MAP2K6: variants seen among roughly 807,000 people sequenced by gnomAD.
MAP2K6 encodes dual specificity mitogen-activated protein kinase kinase 6.
MAP2K6 carries 16 observed loss-of-function variants against 53.7 expected under a neutral mutation model. The ratio of observed to expected loss-of-function variants is 0.30; its 90% CI spans 0.20 to 0.45. The LOEUF is 0.45. MAP2K6 is among the 20% of genes least tolerant of loss of function. The pLI is 1.00. For synonymous variants in MAP2K6, 132 were observed against 143.1 expected (o/e 0.92, Z 0.55); for missense variants, 204 against 411.9 (o/e 0.50, Z 4.37).
At chr17:69,442,921 T>C (rs1309128172) in intron 1 of MAP2K6, among the ~76,000 whole-genome samples, 1 of 152,196 alleles carries the variant, frequency 6.6e-6, no homozygotes, top group South Asian at 2.1e-4. Context: ...TGGCATCTAA[T>C]AGAGATTCAA....
intron 2 of MAP2K6, among the ~76,000 whole-genome samples, chr17:69,509,792 G>C (rs1200847293): frequency 6.6e-6 from 1 of 151,888 alleles, no homozygotes; most frequent in Admixed American, 6.6e-5. Flanking sequence ...GGTTGAAAAG[G>C]TTCCCAACTA....
intron 1 of MAP2K6, among the ~76,000 whole-genome samples, chr17:69,425,912 G>A (rs1476186378): frequency 6.6e-6 from 1 of 152,012 alleles, no homozygotes; most frequent in Non-Finnish European, 1.5e-5. Flanking sequence ...TGTAAACCTT[G>A]CGAGGCAGTC....
intron 1 of MAP2K6, among the ~76,000 whole-genome samples, chr17:69,476,859 GA>G (rs1279549860): frequency 2.6e-5 from 4 of 152,300 alleles, no homozygotes; most frequent in Non-Finnish European, 4.4e-5. Context: ...ATTGCTAAGA[GA>G]AAGCCCACAA....
At chr17:69,507,113 A>G (rs1909541995) in intron 2 of MAP2K6, among the ~76,000 whole-genome samples, 1 of 152,146 alleles carries the variant, frequency 6.6e-6, no homozygotes, top group Non-Finnish European at 1.5e-5. Flanking sequence ...TTTATGGGAT[A>G]TACTTTTAAA....
At chr17:69,474,051 A>C (rs550351365) in intron 1 of MAP2K6, among the ~76,000 whole-genome samples, 1 of 152,380 alleles carries the variant, frequency 6.6e-6, no homozygotes, top group Admixed American at 6.5e-5. Context: ...ACATCAGTTA[A>C]TTTTAATTTT....
At chr17:69,449,651 C>CGCCCAGGCTAGA (rs1907138628) in intron 1 of MAP2K6, among the ~76,000 whole-genome samples, 2 of 118,386 alleles carry the variant, frequency 1.7e-5, no homozygotes, top group Admixed American at 2.3e-4. Flanking sequence ...GTCTCGCTGT[C>CGCCCAGGCTAGA]GCCCAGGCTA....
At chr17:69,470,455 G>T (rs937572402) in intron 1 of MAP2K6, among the ~76,000 whole-genome samples, 4 of 152,164 alleles carry the variant, frequency 2.6e-5, no homozygotes, top group African/African-American at 9.7e-5. Context: ...AGGAAACCCT[G>T]CAAGGAAGCA....
intron 1 of MAP2K6, among the ~76,000 whole-genome samples, chr17:69,499,899 A>G (rs146574688): frequency 1.1e-3 from 175 of 152,266 alleles, no homozygotes; most frequent in African/African-American, 4.0e-3. Flanking sequence ...TTGAGCTCAT[A>G]TTGTGTTGCA....
intron 1 of MAP2K6, among the ~76,000 whole-genome samples, chr17:69,503,175 CT>C (rs1285544957): frequency 6.6e-6 from 1 of 152,164 alleles, no homozygotes; most frequent in Non-Finnish European, 1.5e-5. Flanking sequence ...TATCTGTCAC[CT>C]GCACTGGAAT....
At chr17:69,519,470 T>A (rs1230449205) in intron 5 of MAP2K6, 38 bp downstream of exon 5, 20 of 1,611,026 alleles carry the variant, frequency 1.2e-5, no homozygotes, top group Non-Finnish European at 1.6e-5. Context: ...AGAGGAACAA[T>A]AACTTAAAAA....
At chr17:69,482,921 C>T (rs189019105) in intron 1 of MAP2K6, among the ~76,000 whole-genome samples, 16 of 151,768 alleles carry the variant, frequency 1.1e-4, no homozygotes, top group South Asian at 6.2e-4. Flanking sequence ...CTTTTAATGA[C>T]GAGGAGATGG....
At position 69,494,388 on chromosome 17, in the gene MAP2K6, C is replaced by T. The variant is rs1908863514; in HGVS notation, c.17-11392C>T. 6.6e-6 allele frequency among the ~76,000 whole-genome samples: 1 copy of T among 151,870 alleles called. No individual in the cohort carries two copies. Reference sequence around the variant, plus strand: ...TGGCACATGCCTGTAATCTCAGCTACTTGGGAGGCTGGGGCATGAAAATCG... The same window carrying T: ...TGGCACATGCCTGTAATCTCAGCTATTTGGGAGGCTGGGGCATGAAAATCG... On this transcript the variant is annotated intron_variant, in intron 1 of 11. Transcript: ENST00000590474. This position sits in a 1 kb window ranked among gnomAD's most constrained non-coding sequence, Gnocchi z 4.2.
chr17:69,522,904 A>G (rs1328498864), intron 7 of MAP2K6, among the ~76,000 whole-genome samples: 1 of 151,874 alleles, frequency 6.6e-6, no homozygotes, highest in African/African-American at 2.4e-5. Context: ...AAAAAAAAAA[A>G]AAAAAAGTTA....
chr17:69,442,719 T>C (rs569578447), intron 1 of MAP2K6, among the ~76,000 whole-genome samples: 1 of 152,272 alleles, frequency 6.6e-6, no homozygotes, highest in South Asian at 2.1e-4. Context: ...TTACCTAAGG[T>C]GTGTATTTAG....
chr17:69,524,920 A>G lies in MAP2K6; in HGVS notation c.683A>G (p.Glu228Gly), dbSNP rs1308762828. ...TTCCAGCCTGAAAGAATAAACCCAG[A>G]GCTCAACCAGAAGGGATACAGTGTG... is the stretch of plus-strand genomic sequence containing the variant. ...PYMAPERINP[E>G]LNQKGYSVKS... The change falls in exon 9 of 12, where the codon GAG (glutamate) becomes GGG (glycine). Residue 228 changes from glutamate to glycine, a missense_variant. This residue lies in a region of MAP2K6 where 28 missense variants were observed against 102.5 expected (regional missense o/e 0.27). Coordinates refer to ENST00000590474, the MANE Select transcript of MAP2K6 (RefSeq NM_002758.4). 1 of 1,613,082 alleles carries G rather than the reference A, an allele frequency of 6.2e-7. No individual in the cohort carries two copies. Among genetic ancestry groups the G allele is most frequent in the Non-Finnish European group, 8.5e-7 (1 of 1,179,244 alleles).
chr17:69,436,498 G>T (rs1056349718), intron 1 of MAP2K6, among the ~76,000 whole-genome samples: 4 of 152,150 alleles, frequency 2.6e-5, no homozygotes, highest in Non-Finnish European at 5.9e-5. Context: ...TCAGATTCAG[G>T]CTCGGTGCCT....
In MAP2K6 at chr17:69,548,267, G is replaced by T. The variant is rs1196369374; in HGVS notation, c.*6514G>T. ...CTGATGTGATTTTCTTGGGTTGCTG[G>T]CCCTAGTTGAATTTATGGGCCCTGA... On this transcript the variant is annotated 3_prime_UTR_variant, in exon 12 of 12. Coordinates refer to ENST00000590474, the MANE Select transcript of MAP2K6 (RefSeq NM_002758.4). The T allele has an allele frequency of 1.3e-5, 2 of 152,026 alleles. No homozygotes were observed. The highest frequency in any genetic ancestry group is 2.4e-5 in the African/African-American group (1 of 41,372). 9.4% of individuals were successfully genotyped at this position (152,026 alleles called of 1,614,324 possible). A position where few individuals can be genotyped will look rare whatever the true frequency, so the allele number is the denominator to read the frequency against.
chr17:69,431,971 GTGTTCACCCC>G (rs1906476158), intron 1 of MAP2K6, among the ~76,000 whole-genome samples: 1 of 152,182 alleles, frequency 6.6e-6, no homozygotes, highest in Admixed American at 6.5e-5. Context: ...TCTGAGTCAG[GTGTTCACCCC>G]TGTGCATATG....
intron 2 of MAP2K6, among the ~76,000 whole-genome samples, chr17:69,510,307 G>A (rs1429966199): frequency 6.6e-6 from 1 of 152,136 alleles, no homozygotes; most frequent in Non-Finnish European, 1.5e-5. Context: ...ATGAATCCCA[G>A]TTAGTTATGG....
Sources: allele counts gnomAD v4.1 joint callset (sites outside exome capture counted in the v4.1 genomes callset), GRCh38; gene constraint gnomAD v4.1.1; regional missense constraint gnomAD v4.1.1; non-coding constraint Gnocchi (gnomAD v3.1); transcripts MANE v1.5; gene names NCBI Gene and HGNC (gene_info 2026-07-23, HGNC 2026-07-21).